Variants in LRFN5 observed in about 807,000 individuals in gnomAD.
The protein encoded by LRFN5 is leucine-rich repeat and fibronectin type-III domain-containing protein 5.
A neutral mutation model predicts 45.6 loss-of-function variants in LRFN5; 24 were observed. That is an observed-to-expected ratio of 0.53 (90% CI 0.38 to 0.74). The LOEUF is 0.74. Ranked by LOEUF, LRFN5 falls within the 30% of genes least tolerant of loss-of-function variation. The pLI, the probability that LRFN5 is intolerant of heterozygous loss-of-function variation, is 0.00. For synonymous variants in LRFN5, 340 were observed against 313.8 expected (o/e 1.08, Z -0.88); for missense variants, 776 against 861.5 (o/e 0.90, Z 1.24).
At chr14:41,865,306 A>T (rs927775147) in intron 2 of LRFN5, among the ~76,000 whole-genome samples, 1 of 152,166 alleles carries the variant, frequency 6.6e-6, no homozygotes, top group Non-Finnish European at 1.5e-5. Flanking sequence ...GATATCACAT[A>T]TAAATGGAAT....
intron 1 of LRFN5, among the ~76,000 whole-genome samples, chr14:41,619,241 C>G (rs1360944851): frequency 6.6e-6 from 1 of 152,002 alleles, no homozygotes; most frequent in African/African-American, 2.4e-5. Flanking sequence ...TTACTTTATT[C>G]TGGGCCTTGA....
intron 1 of LRFN5, among the ~76,000 whole-genome samples, chr14:41,650,727 G>A (rs911914246): frequency 2.0e-5 from 3 of 152,066 alleles, no homozygotes; most frequent in South Asian, 2.1e-4. Flanking sequence ...GAAGTATTTT[G>A]TTCCTGGTTA....
intron 2 of LRFN5, among the ~76,000 whole-genome samples, chr14:41,818,144 T>C (rs1162111677): frequency 6.6e-6 from 1 of 152,096 alleles, no homozygotes; most frequent in Non-Finnish European, 1.5e-5. Flanking sequence ...TAACTGCATG[T>C]TAATTATCTG....
At chr14:41,869,327 T>C (rs1202830625) in intron 2 of LRFN5, among the ~76,000 whole-genome samples, 1 of 152,074 alleles carries the variant, frequency 6.6e-6, no homozygotes, top group Non-Finnish European at 1.5e-5. Context: ...CAGAAAAAGC[T>C]CTCAGAACAA....
intron 2 of LRFN5, among the ~76,000 whole-genome samples, chr14:41,880,682 C>CT (rs562319962): frequency 6.6e-6 from 1 of 152,134 alleles, no homozygotes; most frequent in Admixed American, 6.5e-5. Context: ...ACTGCTCTCT[C>CT]TTTTTTGTCA....
chr14:41,861,837 G>C (rs1470456978), intron 2 of LRFN5, among the ~76,000 whole-genome samples: 1 of 152,070 alleles, frequency 6.6e-6, no homozygotes, highest in East Asian at 1.9e-4. Flanking sequence ...AAAGACTATT[G>C]CCAACAGCCT....
At chr14:41,643,243 C>T (rs1879660495) in intron 1 of LRFN5, among the ~76,000 whole-genome samples, 1 of 152,162 alleles carries the variant, frequency 6.6e-6, no homozygotes, top group Non-Finnish European at 1.5e-5. Flanking sequence ...ATTCTTAATT[C>T]CATTACATTT....
intron 2 of LRFN5, among the ~76,000 whole-genome samples, chr14:41,877,588 A>G (rs1890229366): frequency 6.6e-6 from 1 of 152,048 alleles, no homozygotes; most frequent in Admixed American, 6.5e-5. Context: ...TATGTAAATA[A>G]TGTTTATGTA....
At chr14:41,780,014 T>C (rs1360769393) in intron 2 of LRFN5, among the ~76,000 whole-genome samples, 1 of 151,886 alleles carries the variant, frequency 6.6e-6, no homozygotes, top group African/African-American at 2.4e-5. Flanking sequence ...CAATTTTCTC[T>C]AGGCTCCTAA....
chr14:41,847,075 T>C (rs1948506504), intron 2 of LRFN5, among the ~76,000 whole-genome samples: 3 of 152,134 alleles, frequency 2.0e-5, no homozygotes, highest in South Asian at 2.1e-4. Context: ...ACCTTCAAGA[T>C]AAAACATTTT....
chr14:41,874,991 A>AC (rs900122548), intron 2 of LRFN5, among the ~76,000 whole-genome samples: 33 of 151,902 alleles, frequency 2.2e-4, no homozygotes, highest in Non-Finnish European at 3.8e-4. Flanking sequence ...TGATTCAGTT[A>AC]CCCCCCCACC....
chr14:41,904,264 C>T lies in LRFN5; in HGVS notation c.*89C>T. ...TCAAAAATGTTTCAATTCACAAAGG[C>T]TAATTGTTGAACTGGTGTCGTAGAA... On this transcript the variant is annotated 3_prime_UTR_variant, in exon 6 of 6. Coordinates refer to ENST00000298119, the MANE Select transcript of LRFN5 (RefSeq NM_152447.5). The T allele has an allele frequency of 6.8e-7, 1 of 1,460,824 alleles. No homozygotes were observed. Among genetic ancestry groups the T allele is most frequent in the Non-Finnish European group, 9.5e-7 (1 of 1,049,366 alleles). The allele number at this position is 1,460,824 out of a possible 1,614,324, so 90.5% of individuals were successfully genotyped here.
intron 1 of LRFN5, among the ~76,000 whole-genome samples, chr14:41,748,417 A>G (rs1008016675): frequency 6.6e-6 from 1 of 152,128 alleles, no homozygotes; most frequent in African/African-American, 2.4e-5. Flanking sequence ...GCCAATTACA[A>G]AAGAATATTA....
At position 41,887,844 on chromosome 14, in the gene LRFN5, A is replaced by G. The variant is rs765430408; in HGVS notation, c.1219A>G (p.Thr407Ala). ...ISTSTKSGSN[T>A]SSSNGDTKLS... ...AACTTCTACCAAGTCAGGTTCTAAT[A>G]CAAGCAGTAGTAATGGTGATACTAA... Residue 407 changes from threonine to alanine, a missense_variant, in exon 3 of 6, where the codon ACA becomes GCA. Coordinates refer to ENST00000298119, the MANE Select transcript of LRFN5 (RefSeq NM_152447.5). The surrounding 1 kb of genome is among the most constrained non-coding windows in gnomAD (Gnocchi z 4.8). 5.0e-6 allele frequency: 8 copies of G among 1,614,130 alleles called. No individual in the cohort carries two copies. The highest frequency in any genetic ancestry group is 1.1e-5 in the South Asian group (1 of 91,078).
chr14:41,759,392 A>T (rs547882241), intron 1 of LRFN5, among the ~76,000 whole-genome samples: 1 of 150,772 alleles, frequency 6.6e-6, no homozygotes, highest in African/African-American at 2.4e-5. Flanking sequence ...CACTGACTTT[A>T]ATATATATGT....
At chr14:41,876,752 C>T (rs1211750270) in intron 2 of LRFN5, among the ~76,000 whole-genome samples, 2 of 151,962 alleles carry the variant, frequency 1.3e-5, no homozygotes, top group Non-Finnish European at 2.9e-5. Context: ...CTGAAGTTTC[C>T]AAAACCCTCT....
At chr14:41,769,457 C>T (rs1435665385) in intron 2 of LRFN5, among the ~76,000 whole-genome samples, 1 of 152,076 alleles carries the variant, frequency 6.6e-6, no homozygotes, top group African/African-American at 2.4e-5. Context: ...CCTGTAGGTA[C>T]ATGCTTTTGA....
intron 1 of LRFN5, among the ~76,000 whole-genome samples, chr14:41,697,726 C>T (rs949501369): frequency 6.6e-6 from 1 of 150,670 alleles, no homozygotes; most frequent in African/African-American, 2.4e-5. Flanking sequence ...TGTCCTCCTA[C>T]TTAAGATATG....
intron 2 of LRFN5, among the ~76,000 whole-genome samples, chr14:41,786,175 A>AT (rs1886713371): frequency 6.6e-6 from 1 of 152,126 alleles, no homozygotes; most frequent in South Asian, 2.1e-4. Flanking sequence ...TAAACAGGCA[A>AT]TTGCATTTTC....
Sources: gnomAD v4.1 joint callset for allele counts (sites outside exome capture counted in the v4.1 genomes callset) on GRCh38, gnomAD v4.1.1 for gene constraint, Gnocchi (gnomAD v3.1) non-coding constraint, MANE v1.5 for transcripts, NCBI Gene and HGNC (gene_info 2026-07-23, HGNC 2026-07-21) for gene names.